TMTC1: variants seen among roughly 807,000 people sequenced by gnomAD.
TMTC1 encodes transmembrane O-mannosyltransferase targeting cadherins 1.
A neutral mutation model predicts 104.8 loss-of-function variants in TMTC1; 73 were observed. The observed-to-expected ratio is 0.70, with a 90% confidence interval of 0.58 to 0.85. The LOEUF is 0.85. TMTC1 is among the 40% of genes least tolerant of loss of function. The pLI, the probability that TMTC1 is intolerant of heterozygous loss-of-function variation, is 0.00. For synonymous variants in TMTC1, 434 were observed against 428.7 expected, an observed-to-expected ratio of 1.01 and a Z score of -0.15; for missense variants, 1,035 against 1,096.1, an observed-to-expected ratio of 0.94 and a Z score of 0.79.
In TMTC1 at chr12:29,501,594, C is replaced by G. The variant is rs1326796424; in HGVS notation, c.*5252G>C. 1 of 152,132 alleles carries G rather than the reference C, an allele frequency of 6.6e-6. No homozygotes were observed. Among genetic ancestry groups the G allele is most frequent in the Non-Finnish European group, 1.5e-5 (1 of 68,026 alleles). 9.4% of individuals were successfully genotyped at this position (152,132 alleles called of 1,614,324 possible). A position where few individuals can be genotyped will look rare whatever the true frequency, so the allele number is the denominator to read the frequency against. On this transcript the variant is annotated 3_prime_UTR_variant, in exon 18 of 18. Transcript: ENST00000539277. ...TAAATAACCCCCAAAGGACATCACA[C>G]ATACTGAAAACTACCAAATTTGTTA...
chr12:29,706,227 T>G (rs1188616556), intron 5 of TMTC1, among the ~76,000 whole-genome samples: 1 of 152,146 alleles, frequency 6.6e-6, no homozygotes, highest in Non-Finnish European at 1.5e-5. Flanking sequence ...AAAAGCTTCC[T>G]TGAGAGGCTG....
At chr12:29,730,459 G>A (rs1231037217) in intron 5 of TMTC1, among the ~76,000 whole-genome samples, 1 of 152,144 alleles carries the variant, frequency 6.6e-6, no homozygotes, top group Non-Finnish European at 1.5e-5. Flanking sequence ...CTGCTTGAAA[G>A]TTTCATCAAA....
chr12:29,758,670 G>C (rs775837938), intron 3 of TMTC1, 34 bp downstream of exon 3: 3 of 1,599,098 alleles, frequency 1.9e-6, no homozygotes, highest in Non-Finnish European at 2.6e-6. Flanking sequence ...GCACAGTTGC[G>C]ATCACAGAGA....
chr12:29,532,723 G>C lies in TMTC1; in HGVS notation c.1785+3486C>G, dbSNP rs530084615. 14 of 151,926 alleles carry C rather than the reference G, an allele frequency of 9.2e-5. No individual in the cohort carries two copies. The South Asian group carries it at 2.1e-3, about 23-fold the overall frequency. The allele number at this position is 151,926 out of a possible 1,614,324, so 9.4% of individuals were successfully genotyped here. ...TATATTATGAATAAAGGATGTATACGTTATTTTCTCTGAGTTTTCACAGTT... is the reference window on the plus strand; with the variant it reads ...TATATTATGAATAAAGGATGTATACCTTATTTTCTCTGAGTTTTCACAGTT... On this transcript the variant is annotated intron_variant, in intron 11 of 17. Coordinates refer to ENST00000539277, the MANE Select transcript of TMTC1 (RefSeq NM_001193451.2).
At chr12:29,673,771 T>C (rs1940615178) in intron 5 of TMTC1, among the ~76,000 whole-genome samples, 1 of 61,672 alleles carries the variant, frequency 1.6e-5, no homozygotes, top group Non-Finnish European at 3.6e-5. Flanking sequence ...TTTTTTTTTC[T>C]TTTTTGAGAT....
chr12:29,629,859 C>A (rs1298156286), intron 6 of TMTC1, among the ~76,000 whole-genome samples: 3 of 152,086 alleles, frequency 2.0e-5, no homozygotes, highest in Non-Finnish European at 4.4e-5. Context: ...ATGTTTTAAT[C>A]ATTCAAATTT....
chr12:29,646,059 C>T (rs1939253142), intron 5 of TMTC1, among the ~76,000 whole-genome samples: 1 of 152,086 alleles, frequency 6.6e-6, no homozygotes, highest in South Asian at 2.1e-4. Context: ...TCCATGGCAT[C>T]ATATGGTCTC....
chr12:29,649,049 C>T (rs1939399768), intron 5 of TMTC1, among the ~76,000 whole-genome samples: 1 of 152,042 alleles, frequency 6.6e-6, no homozygotes, highest in Non-Finnish European at 1.5e-5. Context: ...TTCACTTGTC[C>T]TTGGTTTTAT....
chr12:29,607,590 G>A (rs1413627006), intron 6 of TMTC1, among the ~76,000 whole-genome samples: 2 of 152,184 alleles, frequency 1.3e-5, no homozygotes, highest in East Asian at 3.8e-4. Flanking sequence ...TGGATAATGA[G>A]CGTTTTGCAC....
chr12:29,542,293 T>A (rs1009552491), intron 10 of TMTC1, among the ~76,000 whole-genome samples: 6 of 152,136 alleles, frequency 3.9e-5, no homozygotes, highest in African/African-American at 1.4e-4. Context: ...CAACAAGGAC[T>A]CTCAGAGCTT....
intron 5 of TMTC1, among the ~76,000 whole-genome samples, chr12:29,682,052 TCAA>T (rs1319251729): frequency 6.6e-6 from 1 of 151,888 alleles, no homozygotes; most frequent in Non-Finnish European, 1.5e-5. Context: ...CTCCCAAAAC[TCAA>T]CAACAACAAA....
At chr12:29,647,781 T>C (rs992500199) in intron 5 of TMTC1, among the ~76,000 whole-genome samples, 5 of 152,346 alleles carry the variant, frequency 3.3e-5, no homozygotes, top group Non-Finnish European at 5.9e-5. Flanking sequence ...AAAAATATGA[T>C]GCTAAGAGAG....
chr12:29,703,981 G>A (rs1941672644), intron 5 of TMTC1, among the ~76,000 whole-genome samples: 1 of 152,088 alleles, frequency 6.6e-6, no homozygotes, highest in Admixed American at 6.6e-5. Context: ...ATGGGGTCAG[G>A]TTTTTCCCAT....
intron 5 of TMTC1, among the ~76,000 whole-genome samples, chr12:29,687,986 T>C (rs923125202): frequency 6.6e-6 from 1 of 152,158 alleles, no homozygotes; most frequent in Non-Finnish European, 1.5e-5. Flanking sequence ...GGTTTCAGTA[T>C]GAATTTTGGG....
intron 5 of TMTC1, among the ~76,000 whole-genome samples, chr12:29,695,065 G>A (rs1431719778): frequency 6.6e-6 from 1 of 152,090 alleles, no homozygotes; most frequent in Non-Finnish European, 1.5e-5. Context: ...ATCCCTCTTT[G>A]CACAGCTCCT....
intron 5 of TMTC1, among the ~76,000 whole-genome samples, chr12:29,689,019 T>TGTC (rs939395509): frequency 1.3e-5 from 2 of 152,298 alleles, no homozygotes; most frequent in Middle Eastern, 3.4e-3. Context: ...CCCTCAATCC[T>TGTC]GTCTTCAACC....
intron 5 of TMTC1, among the ~76,000 whole-genome samples, chr12:29,642,948 C>A (rs1938926625): frequency 6.8e-6 from 1 of 147,200 alleles, no homozygotes; most frequent in Admixed American, 6.7e-5. Context: ...CCCAAACAAA[C>A]AAACAAACAA....
intron 5 of TMTC1, among the ~76,000 whole-genome samples, chr12:29,669,262 T>C (rs981333115): frequency 6.6e-6 from 1 of 152,220 alleles, no homozygotes; most frequent in Non-Finnish European, 1.5e-5. Flanking sequence ...GAAGATCTAA[T>C]ACTGGTACAG....
intron 6 of TMTC1, among the ~76,000 whole-genome samples, chr12:29,622,794 AAGG>A (rs2136465787): frequency 6.6e-6 from 1 of 152,346 alleles, no homozygotes; most frequent in African/African-American, 2.4e-5. Context: ...GTGTGAGTAG[AAGG>A]AGGAGATGAA....
Sources: gnomAD v4.1 joint callset for allele counts (sites outside exome capture counted in the v4.1 genomes callset) on GRCh38, gnomAD v4.1.1 for gene constraint, MANE v1.5 for transcripts, NCBI Gene and HGNC (gene_info 2026-07-23, HGNC 2026-07-21) for gene names.